GMEB2: variants seen among roughly 807,000 people sequenced by gnomAD.
GMEB2 encodes glucocorticoid modulatory element-binding protein 2.
A neutral mutation model predicts 45.7 loss-of-function variants in GMEB2; 7 were observed. The ratio of observed to expected loss-of-function variants is 0.15; its 90% CI spans 0.09 to 0.29. The LOEUF (loss-of-function observed/expected upper bound fraction) is 0.29, where lower values mean the gene tolerates loss of function less well. GMEB2 is among the 10% of genes least tolerant of loss of function. The probability of loss-of-function intolerance (pLI) is 1.00; values close to 1 mark genes in which losing one functional copy is unlikely to be tolerated. For synonymous variants in GMEB2, 322 were observed against 323.6 expected (o/e 1.00, Z 0.05); for missense variants, 582 against 739.2 (o/e 0.79, Z 2.47).
chr20:63,592,718 CG>C lies in GMEB2; in HGVS notation c.692-49del. On this transcript the variant is annotated intron_variant, in intron 7 of 9. Transcript: ENST00000370077. This position sits in a 1 kb window ranked among gnomAD's most constrained non-coding sequence, Gnocchi z 8.2. ...AGTGGGCAGGGAAAGTGCTGCTACA[CG>C]GGGCAGCCACCACAGCCACAAGGAC... is the stretch of plus-strand genomic sequence containing the variant. The C allele has an allele frequency of 1.3e-6, 2 of 1,527,678 alleles. No homozygotes were observed. The highest frequency in any genetic ancestry group is 1.8e-6 in the Non-Finnish European group (2 of 1,105,888). 94.6% of individuals were successfully genotyped at this position (1,527,678 alleles called of 1,614,324 possible).
rs189262944 is a variant in GMEB2, at chr20:63,621,319, C to T, written c.-57-1865G>A. Among the ~76,000 whole-genome samples the T allele has an allele frequency of 2.0e-3, 302 of 152,248 alleles. 2 individuals carry two copies. Among genetic ancestry groups the T allele is most frequent in the Middle Eastern group, 6.8e-3 (2 of 294 alleles). On this transcript the variant is annotated intron_variant, in intron 1 of 9. Coordinates refer to ENST00000370077, the MANE Select transcript of GMEB2 (RefSeq NM_012384.5). ...GATGATGAAAAGCTCTGGAAATGGA[C>T]GGCGGTGATGGCTGCACAATCACTG...
Position 63,593,104 on chromosome 20 carries a change from G to C in GMEB2, c.620-22C>G. On this transcript the variant is annotated intron_variant, in intron 6 of 9. Transcript: ENST00000370077. This position sits in a 1 kb window ranked among gnomAD's most constrained non-coding sequence, Gnocchi z 4.7. ...TTCACTGCAGCCGAAAGGGAACCTC[G>C]GGTGAGTGCTGTTTGGACCACAGTC... The C allele has an allele frequency of 1.3e-6, 2 of 1,533,870 alleles. No homozygotes were observed. Among genetic ancestry groups the C allele is most frequent in the Non-Finnish European group, 1.8e-6 (2 of 1,110,864 alleles).
At chr20:63,599,968 T>C (rs2083229878) in intron 4 of GMEB2, among the ~76,000 whole-genome samples, 1 of 152,190 alleles carries the variant, frequency 6.6e-6, no homozygotes, top group Non-Finnish European at 1.5e-5. Context: ...GAAATTATCA[T>C]TCATACATTA....
chr20:63,601,628 C>T lies in GMEB2; in HGVS notation c.357+1337G>A, dbSNP rs371947333. ...GGCTCAAGCAATCCTCCTGCCTCGG[C>T]CTCCCAAAGTGTCAGGATTGCAGGT... On this transcript the variant is annotated intron_variant, in intron 4 of 9. Transcript: ENST00000370077. Among the ~76,000 whole-genome samples the T allele has an allele frequency of 1.3e-4, 20 of 152,226 alleles. 2 individuals are homozygous for T. The South Asian group carries it at 2.7e-3, about 20-fold the overall frequency.
chr20:63,620,807 A>C (rs1487005164), intron 1 of GMEB2, among the ~76,000 whole-genome samples: 2 of 152,232 alleles, frequency 1.3e-5, no homozygotes, highest in African/African-American at 2.4e-5. Context: ...CCTAGAGTCC[A>C]TAGCACAGTA....
At chr20:63,599,231 C>T (rs989027678) in intron 4 of GMEB2, among the ~76,000 whole-genome samples, 13 of 151,606 alleles carry the variant, frequency 8.6e-5, no homozygotes, top group African/African-American at 2.9e-4. Context: ...CCGGAGCTAA[C>T]TCGGCCCGCT....
rs1336545329 is a variant in GMEB2 at position 63,592,445 on chromosome 20, G to A, written c.829+88C>T. ...AGCCTCCAACCCAGCAGCACAGAAG[G>A]GCCTAGGGGCAGGAGGGCCAGTGGC... is the stretch of plus-strand genomic sequence containing the variant. On this transcript the variant is annotated intron_variant, in intron 8 of 9. Transcript: ENST00000370077. The surrounding 1 kb of genome is among the most constrained non-coding windows in gnomAD (Gnocchi z 8.2). 2.0e-6 allele frequency: 2 copies of A among 1,008,338 alleles called. No individual in the cohort carries two copies. Among genetic ancestry groups the A allele is most frequent in the African/African-American group, 3.2e-5 (2 of 62,016 alleles). 62.5% of individuals were successfully genotyped at this position (1,008,338 alleles called of 1,614,324 possible).
chr20:63,611,937 T>A (rs2089573966), intron 2 of GMEB2, among the ~76,000 whole-genome samples: 1 of 151,446 alleles, frequency 6.6e-6, no homozygotes, highest in African/African-American at 2.4e-5. Flanking sequence ...GCCTGTAGAG[T>A]CCCAGCTACT....
chr20:63,600,488 C>T (rs1456523877), intron 4 of GMEB2, among the ~76,000 whole-genome samples: 1 of 151,356 alleles, frequency 6.6e-6, no homozygotes, highest in South Asian at 2.1e-4. Flanking sequence ...GAGGCCAAGG[C>T]GGGCAGGTCA....
Position 63,592,695 on chromosome 20 carries a change from T to A in GMEB2, c.692-25A>T, listed in dbSNP as rs2083158870. On this transcript the variant is annotated intron_variant, in intron 7 of 9. Transcript: ENST00000370077. This position sits in a 1 kb window ranked among gnomAD's most constrained non-coding sequence, Gnocchi z 8.2. ...TCTGTGAGGGAAGGAGTGGGTTCAG[T>A]GGGCAGGGAAAGTGCTGCTACACGG... 6.2e-7 allele frequency: 1 copy of A among 1,607,724 alleles called. No homozygotes were observed. Among genetic ancestry groups the A allele is most frequent in the East Asian group, 2.2e-5 (1 of 44,834 alleles).
At chr20:63,598,808 G>A (rs1601011494) in intron 4 of GMEB2, among the ~76,000 whole-genome samples, 1 of 152,316 alleles carries the variant, frequency 6.6e-6, no homozygotes, top group South Asian at 2.1e-4. Flanking sequence ...GTCGGAGCCT[G>A]GCAGGAAGGC....
rs1308832915 is a variant in GMEB2, at chr20:63,603,112, C to T, written c.230-20G>A. 2 of 1,613,316 alleles carry T rather than the reference C, an allele frequency of 1.2e-6. No individual in the cohort carries two copies. Among genetic ancestry groups the T allele is most frequent in the Non-Finnish European group, 1.7e-6 (2 of 1,179,586 alleles). ...TCTTCACTTCTCACAGGCACATTGA[C>T]AGGGAAGGGTAAAAGCAGAACATCA... On this transcript the variant is annotated intron_variant, in intron 3 of 9. Transcript: ENST00000370077.
chr20:63,592,501 T>C lies in GMEB2; in HGVS notation c.829+32A>G, dbSNP rs760546140. 6 of 1,576,800 alleles carry C rather than the reference T, an allele frequency of 3.8e-6. No individual in the cohort carries two copies. In the Admixed American group the frequency reaches 6.9e-5, roughly 18 times the overall value. On this transcript the variant is annotated intron_variant, in intron 8 of 9. Coordinates refer to ENST00000370077, the MANE Select transcript of GMEB2 (RefSeq NM_012384.5). The surrounding 1 kb of genome is among the most constrained non-coding windows in gnomAD (Gnocchi z 8.2). ...CTCCTGCAGAGACTCCTGGGCTGAG[T>C]AGCCAGCAAGAGGGAAGATGCAGCT...
At chr20:63,596,108 C>A (rs891248025) in intron 5 of GMEB2, among the ~76,000 whole-genome samples, 6 of 152,228 alleles carry the variant, frequency 3.9e-5, no homozygotes, top group African/African-American at 1.4e-4. Flanking sequence ...TGACCCACAG[C>A]TAACAAAGGT....
In GMEB2 at chr20:63,619,191, C is replaced by T. The variant is rs140875677; in HGVS notation, c.131+76G>A. 1.8e-5 allele frequency: 25 copies of T among 1,389,074 alleles called. No individual in the cohort carries two copies. Among genetic ancestry groups the T allele is most frequent in the South Asian group, 8.8e-5 (6 of 68,488 alleles). 86.0% of individuals were successfully genotyped at this position (1,389,074 alleles called of 1,614,324 possible). The stretch of plus-strand genomic sequence containing the variant: ...AAATCCTGACACTTGTCCCTTACTA[C>T]GTTAATGCCAGCTGTGCCAAGGACA... On this transcript the variant is annotated intron_variant, in intron 2 of 9. Transcript: ENST00000370077. The surrounding 1 kb of genome is among the most constrained non-coding windows in gnomAD (Gnocchi z 4.6).
At chr20:63,620,780 T>TA (rs1231517964) in intron 1 of GMEB2, among the ~76,000 whole-genome samples, 1 of 152,032 alleles carries the variant, frequency 6.6e-6, no homozygotes, top group African/African-American at 2.4e-5. Flanking sequence ...ACATTCTCTG[T>TA]GAAACTTAAA....
intron 6 of GMEB2, among the ~76,000 whole-genome samples, chr20:63,594,392 C>T (rs1267681823): frequency 6.6e-6 from 1 of 152,234 alleles, no homozygotes; most frequent in African/African-American, 2.4e-5. Flanking sequence ...GGAGGACAGA[C>T]AGGAGGCTGG....
chr20:63,603,497 G>A lies in GMEB2; in HGVS notation c.230-405C>T, dbSNP rs545123960. Among the ~76,000 whole-genome samples the A allele has an allele frequency of 1.1e-4, 17 of 151,660 alleles. No individual in the cohort carries two copies. In the East Asian group the frequency reaches 3.3e-3, roughly 30 times the overall value. On this transcript the variant is annotated intron_variant, in intron 3 of 9. Coordinates refer to ENST00000370077, the MANE Select transcript of GMEB2 (RefSeq NM_012384.5). ...TGTAATCCCAGCACTTTGGGAGGCCGAGGCAGGCGGATCACGAAGTCAAGA... is the reference window on the plus strand; with the variant it reads ...TGTAATCCCAGCACTTTGGGAGGCCAAGGCAGGCGGATCACGAAGTCAAGA...
At chr20:63,625,638 C>T (rs1273207550) in intron 1 of GMEB2, among the ~76,000 whole-genome samples, 1 of 151,898 alleles carries the variant, frequency 6.6e-6, no homozygotes, top group Non-Finnish European at 1.5e-5. Flanking sequence ...TGCTCCGTCA[C>T]CCAGGCTGGA....
Sources: gnomAD v4.1 joint callset for allele counts (sites outside exome capture counted in the v4.1 genomes callset) on GRCh38, gnomAD v4.1.1 for gene constraint, Gnocchi (gnomAD v3.1) non-coding constraint, MANE v1.5 for transcripts, NCBI Gene and HGNC (gene_info 2026-07-23, HGNC 2026-07-21) for gene names.